The following YBX3 variants were observed in gnomAD, a reference collection of about 807,000 sequenced individuals.
YBX3 encodes Y-box-binding protein 3.
In YBX3, 29 loss-of-function variants were observed where a neutral mutation model predicts 42.4. That is an observed-to-expected ratio of 0.68 (90% CI 0.51 to 0.93). The LOEUF (loss-of-function observed/expected upper bound fraction) is 0.93, where lower values mean the gene tolerates loss of function less well. Among genes scored for constraint, YBX3 ranks in the 40% least tolerant of loss-of-function variants. The probability of loss-of-function intolerance (pLI) is 0.00; values close to 1 mark genes in which losing one functional copy is unlikely to be tolerated. For synonymous variants in YBX3, 195 were observed against 189.8 expected (o/e 1.03, Z -0.22); for missense variants, 517 against 527.5 (o/e 0.98, Z 0.19).
At chr12:10,703,704 A>G (rs778886018) in intron 7 of YBX3, 10 of 318,692 alleles carry the variant, frequency 3.1e-5, no homozygotes, top group Non-Finnish European at 5.5e-5. Context: ...ATTAACAGTC[A>G]CTATCCCAAA....
chr12:10,704,246 CA>C (rs141466000), intron 6 of YBX3, 98 bp from the exon 7 acceptor site: 254,766 of 880,536 alleles, frequency 0.29, 39,726 homozygotes, highest in South Asian at 0.43. Flanking sequence ...AAGTAAAAAA[CA>C]AAATGCTTCA....
At chr12:10,710,606 G>A in intron 5 of YBX3, 2 of 1,256,212 alleles carry the variant, frequency 1.6e-6, no homozygotes, top group Non-Finnish European at 2.1e-6. Context: ...CTTCCAGGGG[G>A]TCAGCGAGGT....
intron 3 of YBX3, 88 bp downstream of exon 3, chr12:10,718,000 C>G: frequency 1.8e-6 from 2 of 1,105,082 alleles, no homozygotes; most frequent in Non-Finnish European, 2.6e-6. Flanking sequence ...AAATAATAAT[C>G]CATAGGACTT....
At chr12:10,705,044 G>A (rs772292005) in intron 6 of YBX3, among the ~76,000 whole-genome samples, 13 of 152,060 alleles carry the variant, frequency 8.5e-5, no homozygotes, top group Non-Finnish European at 5.9e-5. Context: ...CAAAAACACC[G>A]TTTAGAATTA....
At chr12:10,701,422 T>C in intron 8 of YBX3, 69 bp from the exon 9 acceptor site, 1 of 765,318 alleles carries the variant, frequency 1.3e-6, no homozygotes, top group Non-Finnish European at 2.4e-6. Flanking sequence ...GACTGAAAGT[T>C]CTTAAAAGTT....
intron 1 of YBX3, chr12:10,722,155 C>A (rs765642909): frequency 2.6e-5 from 4 of 152,274 alleles, no homozygotes; most frequent in Non-Finnish European, 5.9e-5. Context: ...TTGGTGGACA[C>A]TGAATGGCTG....
intron 7 of YBX3, chr12:10,703,466 A>G: frequency 3.4e-6 from 1 of 296,624 alleles, no homozygotes; most frequent in Non-Finnish European, 6.7e-6. Context: ...TATCTAATAC[A>G]TAGTGAGGCC....
chr12:10,700,986 T>C (rs547894928), intron 9 of YBX3, among the ~76,000 whole-genome samples: 2 of 152,338 alleles, frequency 1.3e-5, no homozygotes, highest in East Asian at 1.9e-4. Flanking sequence ...GTGGTACTAG[T>C]AGTTAAAAAA....
Position 10,709,965 on chromosome 12 carries a change from G to A in YBX3, c.723C>T (p.His241=), listed in dbSNP as rs1565588477. Residue 241 remains histidine (H), a synonymous_variant, in exon 6 of 10, where the codon CAC becomes CAT. Transcript: ENST00000228251. ...QYRQRRFPPY[H]VGQTFDRRSR... is the part of the protein sequence containing the mutation. Reference sequence around the variant, plus strand: ...AGCGACGGTCAAAGGTCTGTCCCACGTGGTAAGGCGGGAACCGCCGCTGCC... The same window carrying A: ...AGCGACGGTCAAAGGTCTGTCCCACATGGTAAGGCGGGAACCGCCGCTGCC... The A allele has an allele frequency of 4.3e-6, 7 of 1,614,112 alleles. No individual in the cohort carries two copies. Among genetic ancestry groups the A allele is most frequent in the Non-Finnish European group, 5.1e-6 (6 of 1,179,926 alleles).
intron 1 of YBX3, among the ~76,000 whole-genome samples, chr12:10,721,535 T>A (rs973309912): frequency 6.6e-6 from 1 of 152,232 alleles, no homozygotes; most frequent in East Asian, 1.9e-4. Context: ...TGACTAGATT[T>A]AAGCAACTTT....
intron 2 of YBX3, 106 bp downstream of exon 2, chr12:10,718,974 C>A: frequency 1.0e-6 from 1 of 1,004,736 alleles, no homozygotes; most frequent in Non-Finnish European, 1.5e-6. Context: ...TGCTTAGAAA[C>A]CTAAAAAATT....
At position 10,699,515 on chromosome 12, in the gene YBX3, T is replaced by TAA. The variant is rs1175177731; in HGVS notation, c.*172_*173dup. Reference sequence around the variant, plus strand: ...ACATTTTCTTTTTGTAGTTGTTTCTTAAAGAATAACAGTAAACATTCCAAT... The same window carrying TAA: ...ACATTTTCTTTTTGTAGTTGTTTCTTAAAAAGAATAACAGTAAACATTCCAAT... On this transcript the variant is annotated 3_prime_UTR_variant, in exon 10 of 10. Coordinates refer to ENST00000228251, the MANE Select transcript of YBX3 (RefSeq NM_003651.5). 6.6e-6 allele frequency: 1 copy of TAA among 152,646 alleles called. No homozygotes were observed. The highest frequency in any genetic ancestry group is 1.9e-4 in the East Asian group (1 of 5,204). The allele number at this position is 152,646 out of a possible 1,614,324, so 9.5% of individuals were successfully genotyped here.
chr12:10,710,659 C>G (rs1175427580), intron 5 of YBX3: 1 of 1,047,232 alleles, frequency 9.5e-7, no homozygotes, highest in Non-Finnish European at 1.3e-6. Flanking sequence ...TTTGCCTTTC[C>G]CAGGCATTCT....
chr12:10,701,479 C>T, intron 8 of YBX3, 126 bp from the exon 9 acceptor site: 1 of 665,496 alleles, frequency 1.5e-6, no homozygotes, highest in East Asian at 2.7e-5. Context: ...TTTAACTACT[C>T]TTAAGTATGA....
At chr12:10,704,290 A>T in intron 6 of YBX3, 142 bp from the exon 7 acceptor site, 1 of 603,858 alleles carries the variant, frequency 1.7e-6, no homozygotes, top group East Asian at 2.8e-5. Context: ...TTGCAACACA[A>T]ACTATTTATG....
chr12:10,704,254 T>C (rs1251270208), intron 6 of YBX3, 106 bp from the exon 7 acceptor site: 1 of 825,948 alleles, frequency 1.2e-6, no homozygotes, highest in Non-Finnish European at 1.9e-6. Context: ...AACAAAATGC[T>C]TCATTACAAA....
At chr12:10,702,357 C>T in intron 7 of YBX3, 1 of 290,556 alleles carries the variant, frequency 3.4e-6, no homozygotes, top group Non-Finnish European at 6.3e-6. Flanking sequence ...TCCATCTCTA[C>T]TAAAAATACA....
chr12:10,707,704 G>C (rs1169126046), intron 6 of YBX3, among the ~76,000 whole-genome samples: 1 of 152,126 alleles, frequency 6.6e-6, no homozygotes, highest in African/African-American at 2.4e-5. Flanking sequence ...AGTAGGTCAA[G>C]TCTTTACAGT....
At position 10,718,089 on chromosome 12, in the gene YBX3, T is replaced by G. The variant is rs779821971; in HGVS notation, c.359A>C (p.Gln120Pro). The G allele has an allele frequency of 6.2e-7, 1 of 1,611,678 alleles. No individual in the cohort carries two copies. The highest frequency in any genetic ancestry group is 1.1e-5 in the South Asian group (1 of 90,436). ...TGTAGTATTTATAATCCCTCTTACCTGATGTACAAATACATCTTCTTTGGT... is the reference window on the plus strand; with the variant it reads ...TGTAGTATTTATAATCCCTCTTACCGGATGTACAAATACATCTTCTTTGGT... ...NDTKEDVFVH[Q>P]TAIKKNNPRK... The change falls in exon 3 of 10, where the codon CAG becomes CCG. Residue 120 changes from glutamine (Q) to proline (P), a missense_variant and splice_region_variant. Gln to Pro is a moderately conservative substitution (Grantham distance 76). This residue lies in a region of YBX3 where 420 missense variants were observed against 408.5 expected (regional missense o/e 1.03). Transcript: ENST00000228251.
Sources: allele counts gnomAD v4.1 joint callset (sites outside exome capture counted in the v4.1 genomes callset), GRCh38; gene constraint gnomAD v4.1.1; regional missense constraint gnomAD v4.1.1; transcripts MANE v1.5; gene names NCBI Gene and HGNC (gene_info 2026-07-23, HGNC 2026-07-21).